DNAJA2: variants seen among roughly 807,000 people sequenced by gnomAD.
DNAJA2 encodes the protein dnaJ homolog subfamily A member 2.
Under a neutral mutation model 49.3 loss-of-function variants are expected in DNAJA2, and 6 were observed. The ratio of observed to expected loss-of-function variants is 0.12; its 90% CI spans 0.07 to 0.24. DNAJA2 has a LOEUF of 0.24. Among genes scored for constraint, DNAJA2 ranks in the 10% least tolerant of loss-of-function variants. DNAJA2 has a pLI of 1.00. For synonymous variants in DNAJA2, 160 were observed against 172.7 expected (o/e 0.93, Z 0.58); for missense variants, 347 against 516.8 (o/e 0.67, Z 3.19).
Position 46,968,175 on chromosome 16 carries a change from A to G in DNAJA2, c.363-11T>C. 6.3e-7 allele frequency: 1 copy of G among 1,577,880 alleles called. No homozygotes were observed. The highest frequency in any genetic ancestry group is 8.6e-7 in the Non-Finnish European group (1 of 1,165,870). ...TCTTCTAAAGATACTCTGGAAAGAA[A>G]AGAATCGGCTTCAATCAAATTTTGC... On this transcript the variant is annotated splice_polypyrimidine_tract_variant and intron_variant, in intron 3 of 8. Coordinates refer to ENST00000317089, the MANE Select transcript of DNAJA2 (RefSeq NM_005880.4).
chr16:46,956,861 A>T lies in DNAJA2; in HGVS notation c.*168T>A, dbSNP rs907230914. 1.6e-5 allele frequency: 11 copies of T among 702,216 alleles called. No homozygotes were observed. The highest frequency in any genetic ancestry group is 2.5e-5 in the Admixed American group (1 of 40,544). 43.5% of individuals were successfully genotyped at this position (702,216 alleles called of 1,614,324 possible). Reference sequence around the variant, plus strand: ...AATGAAGATGTAAAGCTTTGTGGTTAGTTTAAATTATACACTCTGTAGATA... The same window carrying T: ...AATGAAGATGTAAAGCTTTGTGGTTTGTTTAAATTATACACTCTGTAGATA... On this transcript the variant is annotated 3_prime_UTR_variant, in exon 9 of 9. Coordinates refer to ENST00000317089, the MANE Select transcript of DNAJA2 (RefSeq NM_005880.4).
In DNAJA2 at chr16:46,957,044, C is replaced by T. The variant is rs1187015385; in HGVS notation, c.1224G>A (p.Gln408=). 9 of 1,614,220 alleles carry T rather than the reference C, an allele frequency of 5.6e-6. No individual in the cohort carries two copies. Among genetic ancestry groups the T allele is most frequent in the Non-Finnish European group, 7.6e-6 (9 of 1,180,034 alleles). The change falls in exon 9 of 9, where the codon CAG becomes CAA. Residue 408 remains glutamine (Q), a synonymous_variant. Transcript: ENST00000317089. The part of the protein sequence containing the change: ...ESSSHHGPGV[Q]CAHQ ...TTTGCAGAGTTTACTGATGGGCACACTGCACTCCAGGTCCATGATGGCTGC... is the reference window on the plus strand; with the variant it reads ...TTTGCAGAGTTTACTGATGGGCACATTGCACTCCAGGTCCATGATGGCTGC...
intron 3 of DNAJA2, among the ~76,000 whole-genome samples, chr16:46,971,137 C>A (rs1231973475): frequency 6.6e-6 from 1 of 152,086 alleles, no homozygotes; most frequent in Non-Finnish European, 1.5e-5. Context: ...ACCTTCCTCT[C>A]ATTAAAAAAT....
chr16:46,965,638 C>G (rs1961958382), intron 5 of DNAJA2, among the ~76,000 whole-genome samples: 1 of 151,434 alleles, frequency 6.6e-6, no homozygotes, highest in Non-Finnish European at 1.5e-5. Flanking sequence ...TGAGACCAGC[C>G]TGGCCAACAC....
rs1196688835 is a variant in DNAJA2, at chr16:46,971,525, C to T, written c.186G>A (p.Lys62=). 2.5e-6 allele frequency: 4 copies of T among 1,609,952 alleles called. No individual in the cohort carries two copies. Among genetic ancestry groups the T allele is most frequent in the East Asian group, 4.5e-5 (2 of 44,820 alleles). The change falls in exon 3 of 9, where the codon AAG becomes AAA. Residue 62 remains lysine (K), a synonymous_variant. Transcript: ENST00000317089. ...CTCCGTATCTGTCATATAACTCACG[C>T]TTCTCAGGATTTGATAGTACTTCAT... ...FAYEVLSNPE[K]RELYDRYGEQ...
intron 6 of DNAJA2, among the ~76,000 whole-genome samples, chr16:46,960,311 C>T (rs756333902): frequency 7.2e-5 from 11 of 152,186 alleles, no homozygotes; most frequent in Non-Finnish European, 1.5e-4. Context: ...CCATTCCTGC[C>T]AGAAACAAGG....
At chr16:46,971,841 G>C (rs997755575) in intron 2 of DNAJA2, 55 bp downstream of exon 2, 4 of 1,427,278 alleles carry the variant, frequency 2.8e-6, no homozygotes, top group Non-Finnish European at 3.9e-6. Context: ...TTTCAAGGAG[G>C]GCAATTTAAG....
Position 46,956,959 on chromosome 16 carries a change from A to AG in DNAJA2, c.*69dup. 1.3e-6 allele frequency: 2 copies of AG among 1,558,622 alleles called. No homozygotes were observed. The highest frequency in any genetic ancestry group is 2.2e-5 in the South Asian group (2 of 89,666). The stretch of plus-strand genomic sequence containing the variant: ...TTCATCTGGATTGATAAGACACTCC[A>AG]GCTGGATTGCTGAGAACAAATCAGG... On this transcript the variant is annotated 3_prime_UTR_variant, in exon 9 of 9. Coordinates refer to ENST00000317089, the MANE Select transcript of DNAJA2 (RefSeq NM_005880.4).
At chr16:46,958,028 G>A (rs1384458314) in intron 8 of DNAJA2, among the ~76,000 whole-genome samples, 1 of 152,160 alleles carries the variant, frequency 6.6e-6, no homozygotes. Flanking sequence ...AAAATTGAAA[G>A]TAACATGACT....
rs1480752970 is a variant in DNAJA2, at chr16:46,956,686, G to T, written c.*343C>A. ...ACAAATTGTACAAACTTTACAATGTGGGATTTAAATTTAAAATATGAAACA... is the reference window on the plus strand; with the variant it reads ...ACAAATTGTACAAACTTTACAATGTTGGATTTAAATTTAAAATATGAAACA... On this transcript the variant is annotated 3_prime_UTR_variant, in exon 9 of 9. Transcript: ENST00000317089. 1 of 197,036 alleles carries T rather than the reference G, an allele frequency of 5.1e-6. No homozygotes were observed. The highest frequency in any genetic ancestry group is 1.0e-5 in the Non-Finnish European group (1 of 95,558). The allele number at this position is 197,036 out of a possible 1,614,324, so 12.2% of individuals were successfully genotyped here.
At chr16:46,960,042 G>A (rs145164411) in intron 6 of DNAJA2, among the ~76,000 whole-genome samples, 1 of 152,206 alleles carries the variant, frequency 6.6e-6, no homozygotes, top group African/African-American at 2.4e-5. Flanking sequence ...TCAATGTGTA[G>A]GAAAAATACA....
At position 46,957,805 on chromosome 16, in the gene DNAJA2, G is replaced by A. The variant is rs149342826; in HGVS notation, c.1048-585C>T. On this transcript the variant is annotated intron_variant, in intron 8 of 8. Coordinates refer to ENST00000317089, the MANE Select transcript of DNAJA2 (RefSeq NM_005880.4). Reference sequence around the variant, plus strand: ...ACAGGAGACACACCTTCCTGCATCCGGCATGGACACCAGCTTACGATAAAG... The same window carrying A: ...ACAGGAGACACACCTTCCTGCATCCAGCATGGACACCAGCTTACGATAAAG... Among the ~76,000 whole-genome samples the A allele has an allele frequency of 1.3e-3, 198 of 152,102 alleles. 1 individual carries two copies. Among genetic ancestry groups the A allele is most frequent in the African/African-American group, 4.6e-3 (191 of 41,506 alleles).
chr16:46,968,022 A>G lies in DNAJA2; in HGVS notation c.443+62T>C, dbSNP rs528859711. Reference sequence around the variant, plus strand: ...ATAACAATTTTTACGTGGTACAGACATTCAGTGTGATACTTAAAAGAACAG... The same window carrying G: ...ATAACAATTTTTACGTGGTACAGACGTTCAGTGTGATACTTAAAAGAACAG... On this transcript the variant is annotated intron_variant, in intron 4 of 8. Coordinates refer to ENST00000317089, the MANE Select transcript of DNAJA2 (RefSeq NM_005880.4). The G allele has an allele frequency of 2.1e-6, 3 of 1,408,482 alleles. No homozygotes were observed. In the South Asian group the frequency reaches 3.9e-5, roughly 18 times the overall value. The allele number at this position is 1,408,482 out of a possible 1,614,324, so 87.2% of individuals were successfully genotyped here.
rs967843454 is a variant in DNAJA2, at chr16:46,973,671, C to T, written c.-99G>A. On this transcript the variant is annotated 5_prime_UTR_variant, in exon 1 of 9. Transcript: ENST00000317089. ...CGGCGGCGGCACAGGCCGAGGGAGACAGCGAGGGGGAAGCGGGGGCGGGGC... is the reference window on the plus strand; with the variant it reads ...CGGCGGCGGCACAGGCCGAGGGAGATAGCGAGGGGGAAGCGGGGGCGGGGC... 5 of 1,287,952 alleles carry T rather than the reference C, an allele frequency of 3.9e-6. No individual in the cohort carries two copies. The African/African-American group carries it at 4.6e-5, about 12-fold the overall frequency. 79.8% of individuals were successfully genotyped at this position (1,287,952 alleles called of 1,614,324 possible). A position where few individuals can be genotyped will look rare whatever the true frequency, so the allele number is the denominator to read the frequency against.
chr16:46,969,605 T>C (rs1446499559), intron 3 of DNAJA2, among the ~76,000 whole-genome samples: 8 of 152,232 alleles, frequency 5.3e-5, no homozygotes, highest in African/African-American at 1.9e-4. Context: ...TTTAGTTGTA[T>C]TTATCAGCCT....
At chr16:46,960,651 C>T (rs1257312827) in intron 6 of DNAJA2, among the ~76,000 whole-genome samples, 1 of 151,950 alleles carries the variant, frequency 6.6e-6, no homozygotes, top group Non-Finnish European at 1.5e-5. Context: ...TGGTGGCACG[C>T]GCCTGTAGTC....
chr16:46,964,212 A>G (rs745358842), intron 6 of DNAJA2, among the ~76,000 whole-genome samples: 28 of 152,148 alleles, frequency 1.8e-4, no homozygotes, highest in Non-Finnish European at 3.4e-4. Flanking sequence ...TGTCTCTACT[A>G]AAAATAAAAA....
At chr16:46,963,723 C>T (rs1209843754) in intron 6 of DNAJA2, among the ~76,000 whole-genome samples, 4 of 152,026 alleles carry the variant, frequency 2.6e-5, no homozygotes, top group Non-Finnish European at 5.9e-5. Flanking sequence ...CCAAAACATA[C>T]ACTAGTGACC....
chr16:46,964,466 G>A (rs147426107), intron 6 of DNAJA2, 145 bp downstream of exon 6: 11 of 711,650 alleles, frequency 1.5e-5, no homozygotes, highest in African/African-American at 9.0e-5. Flanking sequence ...ACACAAGCCC[G>A]TCTTAGGAAC....
Sources: gnomAD v4.1 joint callset for allele counts (sites outside exome capture counted in the v4.1 genomes callset) on GRCh38, gnomAD v4.1.1 for gene constraint, MANE v1.5 for transcripts, NCBI Gene and HGNC (gene_info 2026-07-23, HGNC 2026-07-21) for gene names.